The following GRHL2 variants were observed in gnomAD, a reference collection of about 807,000 sequenced individuals.
The protein encoded by GRHL2 is grainyhead like transcription factor 2.
A neutral mutation model predicts 83.8 loss-of-function variants in GRHL2; 21 were observed. The ratio of observed to expected loss-of-function variants is 0.25; its 90% CI spans 0.18 to 0.36. The LOEUF is 0.36. Among genes scored for constraint, GRHL2 ranks in the 10% least tolerant of loss-of-function variants. The probability of loss-of-function intolerance (pLI) is 1.00; values close to 1 mark genes in which losing one functional copy is unlikely to be tolerated. For missense variants in GRHL2, 623 were observed against 781.8 expected, an observed-to-expected ratio of 0.80 and a Z score of 2.42; for synonymous variants, 280 against 278.9, an observed-to-expected ratio of 1.00 and a Z score of -0.04.
intron 9 of GRHL2, among the ~76,000 whole-genome samples, chr8:101,623,953 C>T (rs147043092): frequency 2.0e-3 from 295 of 148,508 alleles, no homozygotes; most frequent in African/African-American, 6.7e-3. Flanking sequence ...TAGGACAGTA[C>T]GCAGTAGGAC....
chr8:101,507,334 C>G (rs150571560), intron 1 of GRHL2, among the ~76,000 whole-genome samples: 257 of 152,222 alleles, frequency 1.7e-3, no homozygotes, highest in African/African-American at 5.3e-3. Flanking sequence ...ATATGGAAAG[C>G]TTGAGATTAA....
rs940111602 is a variant in GRHL2, at chr8:101,558,820, C to T, written c.678+8C>T. ...AAGGACGCAGCCACAGAGGTGAGTC[C>T]CAGGCTCCATCGACGGCCAGAACCC... is the stretch of plus-strand genomic sequence containing the variant. On this transcript the variant is annotated splice_region_variant and intron_variant, in intron 4 of 15. Transcript: ENST00000646743. The T allele has an allele frequency of 2.5e-5, 40 of 1,613,570 alleles. No individual in the cohort carries two copies. The highest frequency in any genetic ancestry group is 3.1e-5 in the Non-Finnish European group (36 of 1,179,844).
rs150529868 is a variant in GRHL2 at position 101,651,117 on chromosome 8, A to T, written c.1698+1618A>T. On this transcript the variant is annotated intron_variant, in intron 14 of 15. Coordinates refer to ENST00000646743, the MANE Select transcript of GRHL2 (RefSeq NM_024915.4). ...ATATTGAAATAAACCAAGATTTTCA[A>T]AATGAGTCTAAGATTGCTAGGGGAT... Among the ~76,000 whole-genome samples, 316 of 152,376 alleles carry T rather than the reference A, an allele frequency of 2.1e-3. 1 individual carries two copies. The highest frequency in any genetic ancestry group is 7.2e-3 in the African/African-American group (301 of 41,584).
intron 7 of GRHL2, among the ~76,000 whole-genome samples, chr8:101,591,931 C>A (rs1175056802): frequency 6.6e-6 from 1 of 152,060 alleles, no homozygotes. Flanking sequence ...CATCCTGGAG[C>A]AGGTGGTGCT....
chr8:101,627,565 A>G (rs1309308961), intron 9 of GRHL2, among the ~76,000 whole-genome samples: 1 of 152,102 alleles, frequency 6.6e-6, no homozygotes, highest in Non-Finnish European at 1.5e-5. Flanking sequence ...GAATAAACCT[A>G]CAACGGCCCC....
At position 101,619,709 on chromosome 8, in the gene GRHL2, T is replaced by C; in HGVS notation, c.1257+12T>C. 4 of 1,602,110 alleles carry C rather than the reference T, an allele frequency of 2.5e-6. No individual in the cohort carries two copies. The highest frequency in any genetic ancestry group is 3.4e-6 in the Non-Finnish European group (4 of 1,169,418). On this transcript the variant is annotated intron_variant, in intron 9 of 15. Transcript: ENST00000646743. ...TCTTCTGTGACAAAGTGAGTAAAGA[T>C]GACAGTTTTTTATAAAGGTATCTTT...
chr8:101,652,438 G>GGTGTGTGGT (rs1813667929), intron 14 of GRHL2, among the ~76,000 whole-genome samples: 2 of 65,352 alleles, frequency 3.1e-5, no homozygotes, highest in Admixed American at 1.7e-4. Context: ...GTGTGTGTCT[G>GGTGTGTGGT]GTGTGTGTGG....
chr8:101,669,958 C>T (rs1345543766), downstream of GRHL2, among the ~76,000 whole-genome samples: 2 of 152,188 alleles, frequency 1.3e-5, no homozygotes, highest in Non-Finnish European at 2.9e-5. Flanking sequence ...GCAGGCTCCC[C>T]AGGGTGGTTA....
intron 1 of GRHL2, among the ~76,000 whole-genome samples, chr8:101,524,471 A>T (rs1810761431): frequency 6.6e-6 from 1 of 152,188 alleles, no homozygotes; most frequent in Admixed American, 6.5e-5. Context: ...ATAAGCAGTT[A>T]AAGTATGAAA....
chr8:101,529,596 C>A (rs1810879488), intron 1 of GRHL2: 3 of 221,668 alleles, frequency 1.4e-5, no homozygotes, highest in East Asian at 2.2e-4. Flanking sequence ...CAGTAGGCCC[C>A]CACCCACTGC....
chr8:101,599,233 A>C, intron 8 of GRHL2, 82 bp downstream of exon 8: 1 of 899,890 alleles, frequency 1.1e-6, no homozygotes, highest in Non-Finnish European at 1.8e-6. Context: ...AGCCTGTATC[A>C]GTAGCCTCCT....
Position 101,604,641 on chromosome 8 carries a change from A to G in GRHL2, c.1098+5490A>G, listed in dbSNP as rs372489688. 9.5e-4 allele frequency among the ~76,000 whole-genome samples: 145 copies of G among 152,238 alleles called. 6 individuals are homozygous for G. In the South Asian group the frequency reaches 0.026, roughly 27 times the overall value. On this transcript the variant is annotated intron_variant, in intron 8 of 15. Coordinates refer to ENST00000646743, the MANE Select transcript of GRHL2 (RefSeq NM_024915.4). ...ACCGTAACAATTTGTCCATGTCTCTATGCTTCACCCTTCCTTGGTTTATTA... is the reference window on the plus strand; with the variant it reads ...ACCGTAACAATTTGTCCATGTCTCTGTGCTTCACCCTTCCTTGGTTTATTA...
intron 12 of GRHL2, among the ~76,000 whole-genome samples, chr8:101,642,180 A>G (rs369637344): frequency 2.6e-5 from 4 of 152,364 alleles, no homozygotes; most frequent in East Asian, 1.9e-4. Context: ...CTTTGAAAAC[A>G]AATGAAACAG....
intron 14 of GRHL2, among the ~76,000 whole-genome samples, chr8:101,652,499 T>TGTGTGTTTGTG (rs1813677895): frequency 2.6e-5 from 1 of 38,768 alleles, no homozygotes; most frequent in Non-Finnish European, 4.1e-5. Flanking sequence ...ATGTGTGTGG[T>TGTGTGTTTGTG]GTGTGTGTGT....
intron 1 of GRHL2, among the ~76,000 whole-genome samples, chr8:101,541,087 G>A (rs913042672): frequency 1.1e-4 from 16 of 151,644 alleles, no homozygotes; most frequent in African/African-American, 1.2e-4. Context: ...CTCCAGTTCC[G>A]TCACTGTTGC....
chr8:101,525,463 C>T (rs938823851), intron 1 of GRHL2, among the ~76,000 whole-genome samples: 2 of 151,730 alleles, frequency 1.3e-5, no homozygotes, highest in Non-Finnish European at 2.9e-5. Context: ...AATTGTAAAC[C>T]ATGTGATAGT....
At chr8:101,546,220 A>G (rs1698163714) in intron 2 of GRHL2, among the ~76,000 whole-genome samples, 1 of 152,156 alleles carries the variant, frequency 6.6e-6, no homozygotes, top group Non-Finnish European at 1.5e-5. Context: ...ATGTCAGTTA[A>G]TAGTTTTCAT....
At chr8:101,534,759 A>T (rs1811008387) in intron 1 of GRHL2, among the ~76,000 whole-genome samples, 1 of 152,186 alleles carries the variant, frequency 6.6e-6, no homozygotes, top group Non-Finnish European at 1.5e-5. Context: ...AATGAAGTGG[A>T]TGTAAGAAAA....
At chr8:101,524,574 T>C (rs189285692) in intron 1 of GRHL2, among the ~76,000 whole-genome samples, 1 of 152,324 alleles carries the variant, frequency 6.6e-6, no homozygotes, top group Admixed American at 6.5e-5. Flanking sequence ...TTAAGAGCTG[T>C]TCTTTGACCT....
Sources: gnomAD v4.1 joint callset for allele counts (sites outside exome capture counted in the v4.1 genomes callset) on GRCh38, gnomAD v4.1.1 for gene constraint, MANE v1.5 for transcripts, NCBI Gene and HGNC (gene_info 2026-07-23, HGNC 2026-07-21) for gene names.